ZNF326: variants seen among roughly 807,000 people sequenced by gnomAD.
ZNF326 encodes DBIRD complex subunit ZNF326.
A neutral mutation model predicts 63.1 loss-of-function variants in ZNF326; 30 were observed. The ratio of observed to expected loss-of-function variants is 0.48; its 90% CI spans 0.36 to 0.64. The LOEUF (loss-of-function observed/expected upper bound fraction) is 0.64. Among genes scored for constraint, ZNF326 ranks in the 30% least tolerant of loss-of-function variants. The pLI, the probability that ZNF326 is intolerant of heterozygous loss-of-function variation, is 0.00. For missense variants in ZNF326, 609 were observed against 720.3 expected, an observed-to-expected ratio of 0.85 and a Z score of 1.77; for synonymous variants, 194 against 228.2, an observed-to-expected ratio of 0.85 and a Z score of 1.35.
At chr1:89,997,170 C>G (rs1378134324) in intron 1 of ZNF326, among the ~76,000 whole-genome samples, 1 of 152,160 alleles carries the variant, frequency 6.6e-6, no homozygotes, top group Non-Finnish European at 1.5e-5. Flanking sequence ...TATAGTGTAG[C>G]AGGATTCTGT....
intron 2 of ZNF326, among the ~76,000 whole-genome samples, chr1:90,002,998 G>A (rs2101055316): frequency 6.6e-6 from 1 of 152,220 alleles, no homozygotes; most frequent in East Asian, 1.9e-4. Context: ...TTAAGTATTG[G>A]GAAGGTGTCA....
chr1:90,001,742 G>C (rs547146061), intron 2 of ZNF326, among the ~76,000 whole-genome samples: 9 of 151,994 alleles, frequency 5.9e-5, no homozygotes, highest in African/African-American at 2.2e-4. Flanking sequence ...TTTTTTAGTA[G>C]AGACGGAGTT....
rs768280134 is a variant in ZNF326, at chr1:90,017,432, A to G, written c.1042A>G (p.Lys348Glu). ...ATTAGATCATATACAGAAACAAACT[A>G]AATTTGATAAAGTAGTTATGGAGTT... ...ETLDHIQKQT[K>E]FDKVVMEFLH... The change falls in exon 8 of 12, where the codon AAA becomes GAA. Residue 348 changes from lysine (K) to glutamate (E), a missense_variant. Physicochemically the swap from Lys to Glu is moderately conservative, Grantham distance 56. Around this residue, in one of 3 missense-constraint regions of ZNF326, gnomAD observed 399 missense variants for 444.3 expected, o/e 0.90. Coordinates refer to ENST00000340281, the MANE Select transcript of ZNF326 (RefSeq NM_182976.4). 11 of 1,592,946 alleles carry G rather than the reference A, an allele frequency of 6.9e-6. No homozygotes were observed.
chr1:90,002,795 T>C (rs965682975), intron 2 of ZNF326, among the ~76,000 whole-genome samples: 4 of 152,212 alleles, frequency 2.6e-5, no homozygotes, highest in Admixed American at 1.3e-4. Context: ...TGTACTGTTA[T>C]ATTAAAACCC....
chr1:89,995,273 G>C lies in ZNF326; in HGVS notation c.16G>C (p.Asp6His). The change falls in exon 1 of 12, where the codon GAT becomes CAT. Residue 6 changes from aspartate (D) to histidine (H), a missense_variant and splice_region_variant. Asp to His is a moderately conservative substitution (Grantham distance 81). This residue lies in a region of ZNF326 where 97 missense variants were observed against 88.7 expected (regional missense o/e 1.09). Coordinates refer to ENST00000340281, the MANE Select transcript of ZNF326 (RefSeq NM_182976.4). ...AGCCTCTGCCATGGACTTCGAGGAC[G>C]GTAAGCGCTGCCTCTGGCTGGTCGG... MDFED[D>H]YTHSACRNTY... is the part of the protein sequence containing the mutation. 1 of 1,553,810 alleles carries C rather than the reference G, an allele frequency of 6.4e-7. No homozygotes were observed. Among genetic ancestry groups the C allele is most frequent in the South Asian group, 1.2e-5 (1 of 83,882 alleles).
At chr1:90,011,720 G>C (rs13376325) in intron 6 of ZNF326, among the ~76,000 whole-genome samples, 2 of 152,130 alleles carry the variant, frequency 1.3e-5, no homozygotes, top group African/African-American at 4.8e-5. Context: ...GTGGGAAGCA[G>C]ATTGGTGCTT....
intron 2 of ZNF326, among the ~76,000 whole-genome samples, chr1:89,998,413 C>G (rs1308655739): frequency 6.6e-6 from 1 of 152,106 alleles, no homozygotes; most frequent in Non-Finnish European, 1.5e-5. Flanking sequence ...AAGGGCCTAA[C>G]TACATTCTGA....
At chr1:89,998,216 G>A (rs995703786) in intron 2 of ZNF326, 62 bp downstream of exon 2, 170 of 1,526,176 alleles carry the variant, frequency 1.1e-4, no homozygotes, top group Non-Finnish European at 7.4e-5. Flanking sequence ...AATGTAAAAG[G>A]CCAGTTCTAC....
intron 2 of ZNF326, among the ~76,000 whole-genome samples, chr1:90,003,319 A>C (rs1348051369): frequency 6.6e-6 from 1 of 151,962 alleles, no homozygotes; most frequent in Admixed American, 6.6e-5. Context: ...TTTTTAGTAG[A>C]GACGGGGTTT....
intron 9 of ZNF326, among the ~76,000 whole-genome samples, chr1:90,020,376 A>G (rs1277474194): frequency 6.6e-6 from 1 of 152,018 alleles, no homozygotes; most frequent in Non-Finnish European, 1.5e-5. Flanking sequence ...CCCGGTCACC[A>G]TTTGCAAGAT....
intron 9 of ZNF326, among the ~76,000 whole-genome samples, chr1:90,019,993 A>G (rs1464644322): frequency 6.6e-6 from 1 of 152,092 alleles, no homozygotes; most frequent in Non-Finnish European, 1.5e-5. Context: ...GATAACATCA[A>G]TTCTCTTTTA....
In ZNF326 at chr1:90,027,792, A is replaced by AGG; in HGVS notation, c.*91_*92insGG. ...TTAATAGCTTAAAATATGAATTAAC[A>AGG]CCCATGTTGCATGCATTCCACATAT... On this transcript the variant is annotated 3_prime_UTR_variant, in exon 12 of 12. Coordinates refer to ENST00000340281, the MANE Select transcript of ZNF326 (RefSeq NM_182976.4). The AGG allele has an allele frequency of 8.2e-7, 1 of 1,213,394 alleles. No individual in the cohort carries two copies. Among genetic ancestry groups the AGG allele is most frequent in the Non-Finnish European group, 1.2e-6 (1 of 847,760 alleles). 75.2% of individuals were successfully genotyped at this position (1,213,394 alleles called of 1,614,324 possible). A position where few individuals can be genotyped will look rare whatever the true frequency, so the allele number is the denominator to read the frequency against.
chr1:90,018,473 A>G (rs557778647), intron 8 of ZNF326, among the ~76,000 whole-genome samples: 7 of 152,236 alleles, frequency 4.6e-5, no homozygotes, highest in East Asian at 1.9e-4. Flanking sequence ...CCCTTTCTCT[A>G]TATGCTTAAA....
At chr1:90,006,617 A>G (rs1649003096) in intron 4 of ZNF326, among the ~76,000 whole-genome samples, 1 of 152,168 alleles carries the variant, frequency 6.6e-6, no homozygotes, top group Admixed American at 6.5e-5. Context: ...TATAAGATGT[A>G]TTCTTTCTCA....
Position 90,007,293 on chromosome 1 carries a change from T to G in ZNF326, c.210-52T>G. The stretch of plus-strand genomic sequence containing the variant: ...CTGATAATTTGTCTTTTGAATTGTC[T>G]AACATTAGTAAGCTTACTTTTGTTT... On this transcript the variant is annotated intron_variant, in intron 4 of 11. Coordinates refer to ENST00000340281, the MANE Select transcript of ZNF326 (RefSeq NM_182976.4). This position sits in a 1 kb window ranked among gnomAD's most constrained non-coding sequence, Gnocchi z 4.9. The G allele has an allele frequency of 6.6e-7, 1 of 1,504,828 alleles. No individual in the cohort carries two copies. Among genetic ancestry groups the G allele is most frequent in the Non-Finnish European group, 9.0e-7 (1 of 1,116,594 alleles). The allele number at this position is 1,504,828 out of a possible 1,614,324, so 93.2% of individuals were successfully genotyped here.
chr1:89,999,268 T>C (rs1648551060), intron 2 of ZNF326, among the ~76,000 whole-genome samples: 2 of 150,620 alleles, frequency 1.3e-5, no homozygotes, highest in African/African-American at 4.9e-5. Context: ...GGGTAGAAAA[T>C]TGAGAGGGTT....
rs1026253757 is a variant in ZNF326, at chr1:90,027,919, G to A, written c.*218G>A. 1.7e-5 allele frequency: 9 copies of A among 521,852 alleles called. No individual in the cohort carries two copies. The highest frequency in any genetic ancestry group is 3.7e-5 in the Admixed American group (1 of 26,922). 32.3% of individuals were successfully genotyped at this position (521,852 alleles called of 1,614,324 possible). On this transcript the variant is annotated 3_prime_UTR_variant, in exon 12 of 12. Coordinates refer to ENST00000340281, the MANE Select transcript of ZNF326 (RefSeq NM_182976.4). ...TTTTATAGCTACCAGACTTAGATCC[G>A]ATAAATTGTTTGTATAATTTTTAAG...
intron 2 of ZNF326, among the ~76,000 whole-genome samples, chr1:90,003,293 G>A (rs1242859678): frequency 3.9e-5 from 6 of 151,998 alleles, no homozygotes; most frequent in African/African-American, 9.7e-5. Flanking sequence ...ACCACACCCA[G>A]CTAATTTTTT....
At position 90,002,087 on chromosome 1, in the gene ZNF326, T is replaced by C. The variant is rs185494570; in HGVS notation, c.62-2916T>C. Among the ~76,000 whole-genome samples the C allele has an allele frequency of 2.9e-3, 444 of 152,322 alleles. 4 individuals are homozygous for C. The highest frequency in any genetic ancestry group is 7.7e-3 in the Admixed American group (118 of 15,306). ...TTATTTTTAAAAGTGATTTTAAAAT[T>C]CATTTTGGTGACCTGGAAGAAAAAT... is the stretch of plus-strand genomic sequence containing the variant. On this transcript the variant is annotated intron_variant, in intron 2 of 11. Coordinates refer to ENST00000340281, the MANE Select transcript of ZNF326 (RefSeq NM_182976.4).
Sources: gnomAD v4.1 joint callset for allele counts (sites outside exome capture counted in the v4.1 genomes callset) on GRCh38, gnomAD v4.1.1 for gene constraint, gnomAD v4.1.1 regional missense constraint, Gnocchi (gnomAD v3.1) non-coding constraint, MANE v1.5 for transcripts, NCBI Gene and HGNC (gene_info 2026-07-23, HGNC 2026-07-21) for gene names.